Variants in PHACTR1 observed in about 807,000 individuals in gnomAD.
The protein encoded by PHACTR1 is RPEL repeat containing 1.
PHACTR1 carries 16 observed loss-of-function variants against 69.2 expected under a neutral mutation model. The observed-to-expected ratio is 0.23, with a 90% CI of 0.16 to 0.35. The LOEUF is 0.35. Ranked by LOEUF, PHACTR1 falls within the 10% of genes least tolerant of loss-of-function variation. PHACTR1 has a pLI of 1.00. For synonymous variants in PHACTR1, 312 were observed against 284.5 expected (o/e 1.10, Z -0.97); for missense variants, 510 against 734.7 (o/e 0.69, Z 3.54).
chr6:12,927,231 T>C (rs1333749510), intron 4 of PHACTR1, among the ~76,000 whole-genome samples: 1 of 152,226 alleles, frequency 6.6e-6, no homozygotes, highest in African/African-American at 2.4e-5. Flanking sequence ...AGGTGCAATA[T>C]AGAGTATGGT....
intron 4 of PHACTR1, among the ~76,000 whole-genome samples, chr6:13,038,566 G>A (rs142483441): frequency 4.6e-5 from 7 of 151,554 alleles, no homozygotes; most frequent in Middle Eastern, 3.4e-3. Flanking sequence ...CTGAAATTCT[G>A]CCAGAGACAG....
intron 4 of PHACTR1, among the ~76,000 whole-genome samples, chr6:13,014,100 A>T (rs1799819495): frequency 6.6e-6 from 1 of 152,054 alleles, no homozygotes; most frequent in Non-Finnish European, 1.5e-5. Context: ...GATCAAACAC[A>T]TTTGCAGCAA....
intron 4 of PHACTR1, among the ~76,000 whole-genome samples, chr6:12,795,548 G>T (rs751579366): frequency 6.6e-6 from 1 of 152,128 alleles, no homozygotes; most frequent in African/African-American, 2.4e-5. Flanking sequence ...GCCATCTGAA[G>T]GTTGGATGTA....
intron 4 of PHACTR1, among the ~76,000 whole-genome samples, chr6:12,775,628 A>G (rs2026455): frequency 0.03 from 4,502 of 152,312 alleles, 213 homozygotes; most frequent in African/African-American, 0.1. Flanking sequence ...GCAAATTTAT[A>G]TGAGATACAA....
chr6:13,190,337 A>T lies in PHACTR1; in HGVS notation c.664+7651A>T, dbSNP rs149706294. Among the ~76,000 whole-genome samples, 372 of 151,644 alleles carry T rather than the reference A, an allele frequency of 2.5e-3. 2 individuals carry two copies. Among genetic ancestry groups the T allele is most frequent in the African/African-American group, 8.5e-3 (352 of 41,320 alleles). On this transcript the variant is annotated intron_variant, in intron 7 of 14. Transcript: ENST00000332995. ...GGCGTGAGCCACCAAGCCCGGCTTG[A>T]TGTCTCTTCTTATAAGGACATTAAT...
chr6:13,252,966 TGAG>T (rs1562072426), intron 10 of PHACTR1: 1 of 417,978 alleles, frequency 2.4e-6, no homozygotes, highest in Non-Finnish European at 5.0e-6. Context: ...CTAAATAGCA[TGAG>T]ATCTCATCTG....
In PHACTR1 at chr6:13,127,428, G is replaced by T. The variant is rs189205260; in HGVS notation, c.416-32776G>T. ...ACAACAACAACAAAAAAATTAGCTGGGTATGGTGGCACATGCCTGTAGTCT... is the reference window on the plus strand; with the variant it reads ...ACAACAACAACAAAAAAATTAGCTGTGTATGGTGGCACATGCCTGTAGTCT... On this transcript the variant is annotated intron_variant, in intron 5 of 14. Coordinates refer to ENST00000332995, the MANE Select transcript of PHACTR1 (RefSeq NM_030948.6). Among the ~76,000 whole-genome samples, 5 of 152,182 alleles carry T rather than the reference G, an allele frequency of 3.3e-5. No homozygotes were observed. In the East Asian group the frequency reaches 9.7e-4, roughly 30 times the overall value.
At chr6:12,958,671 A>G (rs1792222806) in intron 4 of PHACTR1, among the ~76,000 whole-genome samples, 1 of 152,230 alleles carries the variant, frequency 6.6e-6, no homozygotes, top group African/African-American at 2.4e-5. Context: ...TGTTAGTTTG[A>G]AAGAGTTCAT....
At chr6:12,983,781 G>A (rs1302980044) in intron 4 of PHACTR1, among the ~76,000 whole-genome samples, 1 of 152,124 alleles carries the variant, frequency 6.6e-6, no homozygotes, top group Non-Finnish European at 1.5e-5. Context: ...CCACCTATGA[G>A]TGAGAACATA....
intron 4 of PHACTR1, chr6:12,957,255 C>CAAAAAAA (rs35500368): frequency 1.1e-5 from 3 of 272,212 alleles, no homozygotes; most frequent in African/African-American, 3.3e-5. Context: ...AACAAATACT[C>CAAAAAAA]AAAAAAAAAA....
chr6:12,868,689 A>G (rs536869509), intron 4 of PHACTR1, among the ~76,000 whole-genome samples: 3 of 152,340 alleles, frequency 2.0e-5, no homozygotes, highest in African/African-American at 7.2e-5. Flanking sequence ...TACTCTGAAA[A>G]TAGCAAAAAG....
intron 4 of PHACTR1, among the ~76,000 whole-genome samples, chr6:12,891,054 A>C (rs1784121873): frequency 6.6e-6 from 1 of 152,212 alleles, no homozygotes; most frequent in Non-Finnish European, 1.5e-5. Context: ...CTTGTAAAAA[A>C]AGATTTTTGT....
chr6:13,174,366 T>C (rs1184303263), intron 6 of PHACTR1, among the ~76,000 whole-genome samples: 2 of 152,268 alleles, frequency 1.3e-5, no homozygotes, highest in Non-Finnish European at 2.9e-5. Flanking sequence ...TAGCCATAGG[T>C]GATCATCAGT....
At chr6:12,959,266 A>C (rs368221210) in intron 4 of PHACTR1, among the ~76,000 whole-genome samples, 62 of 152,050 alleles carry the variant, frequency 4.1e-4, no homozygotes, top group African/African-American at 1.5e-3. Context: ...TTAAGAGGAT[A>C]TTTGTATATC....
At chr6:12,844,478 A>C (rs1339289830) in intron 4 of PHACTR1, among the ~76,000 whole-genome samples, 1 of 152,132 alleles carries the variant, frequency 6.6e-6, no homozygotes, top group Non-Finnish European at 1.5e-5. Context: ...CAGAGAAAAT[A>C]TAGGTTAAGG....
intron 4 of PHACTR1, among the ~76,000 whole-genome samples, chr6:12,896,356 T>G (rs1455426971): frequency 1.3e-5 from 2 of 152,224 alleles, no homozygotes; most frequent in African/African-American, 4.8e-5. Context: ...TTTGATAGAT[T>G]TGTTAGGGTG....
chr6:13,184,165 G>A (rs934176444), intron 7 of PHACTR1, among the ~76,000 whole-genome samples: 2 of 152,204 alleles, frequency 1.3e-5, no homozygotes, highest in Non-Finnish European at 2.9e-5. Flanking sequence ...GCTGCTCAGC[G>A]CCGGGCACTC....
intron 5 of PHACTR1, among the ~76,000 whole-genome samples, chr6:13,127,147 G>C (rs908362390): frequency 6.6e-6 from 1 of 152,160 alleles, no homozygotes; most frequent in Non-Finnish European, 1.5e-5. Context: ...ATAAGGGTTC[G>C]TTTAACAAGG....
chr6:12,785,391 T>C (rs1216845542), intron 4 of PHACTR1, among the ~76,000 whole-genome samples: 2 of 152,228 alleles, frequency 1.3e-5, no homozygotes, highest in Non-Finnish European at 2.9e-5. Flanking sequence ...CACATACGGA[T>C]AGGCAGAGCT....
Sources: gnomAD v4.1 joint callset for allele counts (sites outside exome capture counted in the v4.1 genomes callset) on GRCh38, gnomAD v4.1.1 for gene constraint, MANE v1.5 for transcripts, NCBI Gene and HGNC (gene_info 2026-07-23, HGNC 2026-07-21) for gene names.